The following BCL2L1 variants were observed in gnomAD, a reference collection of about 807,000 sequenced individuals.
The protein encoded by BCL2L1 is bcl-2-like protein 1.
BCL2L1 carries 1 observed loss-of-function variant against 18.7 expected under a neutral mutation model. The ratio of observed to expected loss-of-function variants is 0.05; its 90% CI spans 0.02 to 0.25. The LOEUF is 0.25. BCL2L1 is among the 10% of genes least tolerant of loss of function. BCL2L1 has a pLI of 1.00. For missense variants in BCL2L1, 207 were observed against 304.9 expected (o/e 0.68, Z 2.39); for synonymous variants, 103 against 122.7 (o/e 0.84, Z 1.06).
chr20:31,702,817 G>A (rs2061301874), intron 2 of BCL2L1, among the ~76,000 whole-genome samples: 4 of 150,284 alleles, frequency 2.7e-5, no homozygotes, highest in Non-Finnish European at 4.4e-5. Flanking sequence ...CGGCCAGTGG[G>A]CACCTTTAAT....
rs1250570354 is a variant in BCL2L1, at chr20:31,665,109, A to T, written c.*840T>A. ...GAGCAGCCCAAGGCAAAGATGCCAC[A>T]GGCTGCTCTTGTAGGAAGTGAGGCA... On this transcript the variant is annotated 3_prime_UTR_variant, in exon 3 of 3. Transcript: ENST00000307677. 1 of 181,010 alleles carries T rather than the reference A, an allele frequency of 5.5e-6. No individual in the cohort carries two copies. The highest frequency in any genetic ancestry group is 9.1e-5 in the East Asian group (1 of 11,000). The allele number at this position is 181,010 out of a possible 1,614,324, so 11.2% of individuals were successfully genotyped here.
At chr20:31,675,619 C>G (rs1211632980) in intron 2 of BCL2L1, among the ~76,000 whole-genome samples, 1 of 152,074 alleles carries the variant, frequency 6.6e-6, no homozygotes. Context: ...GAAACATAGG[C>G]CTGGAGGTGG....
intron 2 of BCL2L1, among the ~76,000 whole-genome samples, chr20:31,699,524 C>T (rs1018186193): frequency 6.6e-6 from 1 of 152,254 alleles, no homozygotes; most frequent in African/African-American, 2.4e-5. Context: ...GTCCTCTCAG[C>T]TGGGAGTACA....
chr20:31,669,506 G>A (rs1416078818), intron 2 of BCL2L1, among the ~76,000 whole-genome samples: 1 of 149,124 alleles, frequency 6.7e-6, no homozygotes, highest in African/African-American at 2.5e-5. Flanking sequence ...AGGCTGGAGT[G>A]CAGTGGTGCA....
chr20:31,687,660 GA>G (rs908579574), intron 2 of BCL2L1, among the ~76,000 whole-genome samples: 3 of 122,442 alleles, frequency 2.5e-5, no homozygotes, highest in African/African-American at 6.3e-5. Flanking sequence ...CTTGGCGACA[GA>G]AAGAGACTCT....
chr20:31,679,010 A>C (rs1267014544), intron 2 of BCL2L1, among the ~76,000 whole-genome samples: 1 of 152,186 alleles, frequency 6.6e-6, no homozygotes, highest in Non-Finnish European at 1.5e-5. Context: ...GGAACTGGGA[A>C]ACAAAACCCA....
At chr20:31,689,053 G>A (rs1005240349) in intron 2 of BCL2L1, among the ~76,000 whole-genome samples, 2 of 151,078 alleles carry the variant, frequency 1.3e-5, no homozygotes, top group Non-Finnish European at 2.9e-5. Context: ...AGTCTGTCCA[G>A]GTAAAATAAT....
Position 31,664,526 on chromosome 20 carries a change from G to A in BCL2L1, c.*1423C>T, listed in dbSNP as rs1380534907. On this transcript the variant is annotated 3_prime_UTR_variant, in exon 3 of 3. Coordinates refer to ENST00000307677, the MANE Select transcript of BCL2L1 (RefSeq NM_138578.3). ...TTCACACAGACTATTTCAAAGAGCT[G>A]GAACAAGTGTGGGGTGGGGGTTGGG... is the stretch of plus-strand genomic sequence containing the variant. The A allele has an allele frequency of 1.1e-5, 2 of 187,770 alleles. No homozygotes were observed. The highest frequency in any genetic ancestry group is 2.3e-5 in the Non-Finnish European group (2 of 88,804). The allele number at this position is 187,770 out of a possible 1,614,324, so 11.6% of individuals were successfully genotyped here. A position where few individuals can be genotyped will look rare whatever the true frequency, so the allele number is the denominator to read the frequency against.
chr20:31,715,432 C>T (rs1270056592), intron 2 of BCL2L1, among the ~76,000 whole-genome samples: 4 of 152,116 alleles, frequency 2.6e-5, no homozygotes, highest in African/African-American at 9.7e-5. Flanking sequence ...GTTTCTTCTC[C>T]AGCCACATTG....
chr20:31,673,722 A>G (rs1456620734), intron 2 of BCL2L1, among the ~76,000 whole-genome samples: 1 of 152,218 alleles, frequency 6.6e-6, no homozygotes, highest in Non-Finnish European at 1.5e-5. Flanking sequence ...CAAACATTTC[A>G]GTGTTTCACC....
At chr20:31,670,792 C>T (rs941717106) in intron 2 of BCL2L1, among the ~76,000 whole-genome samples, 26 of 152,014 alleles carry the variant, frequency 1.7e-4, no homozygotes, top group South Asian at 6.2e-4. Flanking sequence ...GCTGGAGAGG[C>T]GGTGGCGTGG....
At chr20:31,684,337 C>T (rs1168606358) in intron 2 of BCL2L1, among the ~76,000 whole-genome samples, 3 of 152,224 alleles carry the variant, frequency 2.0e-5, no homozygotes, top group African/African-American at 7.2e-5. Context: ...CCTCATGGGG[C>T]TGCACCGTGG....
chr20:31,716,874 C>G (rs2061544544), intron 2 of BCL2L1: 1 of 152,208 alleles, frequency 6.6e-6, no homozygotes, highest in African/African-American at 2.4e-5. Flanking sequence ...TCTCCTGGGT[C>G]TTCTCTTCCC....
At chr20:31,678,505 A>C (rs1038911560) in intron 2 of BCL2L1, among the ~76,000 whole-genome samples, 2 of 152,184 alleles carry the variant, frequency 1.3e-5, no homozygotes, top group African/African-American at 2.4e-5. Flanking sequence ...AGTGACTACC[A>C]GGGTTCTCTC....
chr20:31,671,256 G>C (rs1297638771), intron 2 of BCL2L1, among the ~76,000 whole-genome samples: 1 of 152,010 alleles, frequency 6.6e-6, no homozygotes, highest in Non-Finnish European at 1.5e-5. Context: ...CTGGTTTGTA[G>C]TAGAGCCTAC....
At chr20:31,710,572 G>A (rs1284218199) in intron 2 of BCL2L1, among the ~76,000 whole-genome samples, 1 of 152,184 alleles carries the variant, frequency 6.6e-6, no homozygotes, top group Non-Finnish European at 1.5e-5. Context: ...GTTGGCTAGG[G>A]AAAGGGTGCA....
intron 2 of BCL2L1, among the ~76,000 whole-genome samples, chr20:31,700,669 C>T (rs1024907856): frequency 2.6e-5 from 4 of 152,164 alleles, no homozygotes; most frequent in East Asian, 1.9e-4. Context: ...TGGTAAGGCT[C>T]GGTGTAAACC....
At chr20:31,718,146 T>C (rs2061567247) in intron 2 of BCL2L1, among the ~76,000 whole-genome samples, 1 of 152,206 alleles carries the variant, frequency 6.6e-6, no homozygotes, top group Non-Finnish European at 1.5e-5. Context: ...TTATTCCATT[T>C]TACAGGCGGG....
chr20:31,683,769 CAAAAAAAAAAAAAAAAAAAAAAAAAA>C (rs372160646), intron 2 of BCL2L1, among the ~76,000 whole-genome samples: 30 of 80,710 alleles, frequency 3.7e-4, no homozygotes, highest in Admixed American at 1.7e-3. Flanking sequence ...AACTCCATCT[CAAAAAAAAAAAAAAAAAAAAAAAAAA>C]AAAAAAAAAA....
Sources: allele counts gnomAD v4.1 joint callset (sites outside exome capture counted in the v4.1 genomes callset), GRCh38; gene constraint gnomAD v4.1.1; transcripts MANE v1.5; gene names NCBI Gene and HGNC (gene_info 2026-07-23, HGNC 2026-07-21).